Variants in SGSH observed in about 807,000 individuals in gnomAD.
SGSH encodes N-sulfoglucosamine sulfohydrolase, also known as heparan sulfate sulfatase.
In SGSH, 48 loss-of-function variants were observed where a neutral mutation model predicts 51.0. That is an observed-to-expected ratio of 0.94 (90% confidence interval 0.75 to 1.20). SGSH has a LOEUF of 1.20. Among genes scored for constraint, SGSH ranks in the 50% most tolerant of loss-of-function variants. The pLI, the probability that SGSH is intolerant of heterozygous loss-of-function variation, is 0.00. For synonymous variants in SGSH, 321 were observed against 313.4 expected, an observed-to-expected ratio of 1.02 and a Z score of -0.26; for missense variants, 662 against 717.8, an observed-to-expected ratio of 0.92 and a Z score of 0.89.
In SGSH at chr17:80,209,613, G is replaced by A. The variant is rs1324017810; in HGVS notation, c.*839C>T. The A allele has an allele frequency of 1.1e-5, 10 of 931,152 alleles. No individual in the cohort carries two copies. In the South Asian group the frequency reaches 3.0e-4, roughly 28 times the overall value. The allele number at this position is 931,152 out of a possible 1,614,324, so 57.7% of individuals were successfully genotyped here. A position where few individuals can be genotyped will look rare whatever the true frequency, so the allele number is the denominator to read the frequency against. ...GAAGAATTAACCCAAGGCAGAGGAT[G>A]GGCATTGCCACCCAGCAACGCCAGT... is the stretch of plus-strand genomic sequence containing the variant. On this transcript the variant is annotated 3_prime_UTR_variant, in exon 8 of 8. Transcript: ENST00000326317.
At chr17:80,214,550 G>T in intron 4 of SGSH, 65 bp downstream of exon 4, 1 of 1,543,996 alleles carries the variant, frequency 6.5e-7, no homozygotes. Context: ...CATCCCGCCG[G>T]AAGACTCCGG....
chr17:80,218,129 G>A (rs865972370), intron 1 of SGSH, among the ~76,000 whole-genome samples: 4 of 152,362 alleles, frequency 2.6e-5, no homozygotes, highest in East Asian at 1.9e-4. Context: ...GCGGCTGAGC[G>A]CATGGCCACA....
chr17:80,218,780 A>G (rs1484424544), intron 1 of SGSH, among the ~76,000 whole-genome samples: 2 of 152,144 alleles, frequency 1.3e-5, no homozygotes, highest in Non-Finnish European at 2.9e-5. Context: ...CGTCAACATC[A>G]CTGTATCTGG....
At chr17:80,207,025 T>C (rs1351049921), downstream of SGSH, 3 of 1,614,066 alleles carry the variant, frequency 1.9e-6, no homozygotes, top group Non-Finnish European at 2.5e-6. Flanking sequence ...CTGCACAGGA[T>C]GGACATCTTC....
At chr17:80,208,574 G>A, downstream of SGSH, 1 of 487,660 alleles carries the variant, frequency 2.1e-6, no homozygotes, top group Non-Finnish European at 3.6e-6. Flanking sequence ...CCTTTACCAG[G>A]CTTGGCATGG....
In SGSH at chr17:80,211,017, A is replaced by G; in HGVS notation, c.950-6T>C. On this transcript the variant is annotated splice_region_variant and splice_polypyrimidine_tract_variant and intron_variant, in intron 7 of 7. Transcript: ENST00000326317. The stretch of plus-strand genomic sequence containing the variant: ...CAAGATGGTGGGCGTGAGGTCTGGA[A>G]GGGACGCGGCATCTCAGAGCAGCAG... The G allele has an allele frequency of 6.3e-7, 1 of 1,598,308 alleles. No individual in the cohort carries two copies. The highest frequency in any genetic ancestry group is 2.2e-5 in the East Asian group (1 of 44,866).
chr17:80,202,427 A>C, downstream of SGSH: 1 of 1,607,754 alleles, frequency 6.2e-7, no homozygotes, highest in South Asian at 1.1e-5. Flanking sequence ...CCAGGTGAGC[A>C]GCTGCCTCGA....
At chr17:80,207,750 C>G (rs2041413803), downstream of SGSH, 1 of 224,994 alleles carries the variant, frequency 4.4e-6, no homozygotes, top group African/African-American at 2.3e-5. Context: ...ACTCCCTCCC[C>G]CAAGAGCAGC....
rs541222703 is a variant in SGSH at position 80,212,179 on chromosome 17, C to T, written c.841G>A (p.Gly281Ser). Reference protein sequence around the residue: ...TSDNGIPFPSGRTNLYWPGTA... With the variant: ...TSDNGIPFPSSRTNLYWPGTA... Reference sequence around the variant, plus strand: ...CCCGGCCAGTACAGGTTGGTCCTGCCGCTGGGGAAGGGGATCCCGTTGTCG... The same window carrying T: ...CCCGGCCAGTACAGGTTGGTCCTGCTGCTGGGGAAGGGGATCCCGTTGTCG... The change falls in exon 7 of 8, where the codon GGC becomes AGC. Residue 281 changes from glycine (G) to serine (S), a missense_variant. Coordinates refer to ENST00000326317, the MANE Select transcript of SGSH (RefSeq NM_000199.5). The surrounding 1 kb of genome is among the most constrained non-coding windows in gnomAD (Gnocchi z 5.9). 44 of 1,613,550 alleles carry T rather than the reference C, an allele frequency of 2.7e-5. No individual in the cohort carries two copies. Among genetic ancestry groups the T allele is most frequent in the South Asian group, 8.8e-5 (8 of 91,080 alleles).
intron 5 of SGSH, 70 bp downstream of exon 5, chr17:80,214,102 G>A (rs1225458342): frequency 1.9e-6 from 3 of 1,539,664 alleles, no homozygotes; most frequent in Non-Finnish European, 2.6e-6. Context: ...AGGGCTGCAA[G>A]CTCGTAGGAG....
chr17:80,208,615 C>T (rs1397770365), downstream of SGSH: 8 of 421,792 alleles, frequency 1.9e-5, no homozygotes, highest in East Asian at 3.0e-4. Flanking sequence ...AATGTTTCTG[C>T]AGTGGGACAG....
chr17:80,211,045 C>T, intron 7 of SGSH, 34 bp from the exon 8 acceptor site: 6 of 1,597,526 alleles, frequency 3.8e-6, no homozygotes, highest in Non-Finnish European at 5.1e-6. Context: ...AGCAGCAGAG[C>T]CCTCAGCACA....
At chr17:80,203,882 CA>C (rs1489543427), downstream of SGSH, 1 of 1,594,850 alleles carries the variant, frequency 6.3e-7, no homozygotes, top group Non-Finnish European at 8.5e-7. This position sits in a 1 kb window ranked among gnomAD's most constrained non-coding sequence, Gnocchi z 4.6. Context: ...CCGTGACCCG[CA>C]AGGTGAGGCT....
rs2041569113 is a variant in SGSH, at chr17:80,210,036, G to T, written c.*416C>A. On this transcript the variant is annotated 3_prime_UTR_variant, in exon 8 of 8. Transcript: ENST00000326317. ...CCTGCTCTCTGTGAAGGGTTCAGAA[G>T]TATCTGTGGCTGCCAAAGCCTGAAG... is the stretch of plus-strand genomic sequence containing the variant. 2 of 1,099,832 alleles carry T rather than the reference G, an allele frequency of 1.8e-6. No individual in the cohort carries two copies. 68.1% of individuals were successfully genotyped at this position (1,099,832 alleles called of 1,614,324 possible).
At chr17:80,218,600 G>A (rs2041983677) in intron 1 of SGSH, among the ~76,000 whole-genome samples, 2 of 152,238 alleles carry the variant, frequency 1.3e-5, no homozygotes, top group Non-Finnish European at 2.9e-5. Context: ...ACAGGTGTGA[G>A]CACATGGCAG....
Position 80,212,569 on chromosome 17 carries a change from G to A in SGSH, c.746-295C>T, listed in dbSNP as rs1262148117. ...CTCCCTGGTGCCCGCCGGCTTTTGA[G>A]TTCTCCGGAATCTCGTGTCTGTCCC... On this transcript the variant is annotated intron_variant, in intron 6 of 7. Coordinates refer to ENST00000326317, the MANE Select transcript of SGSH (RefSeq NM_000199.5). The surrounding 1 kb of genome is among the most constrained non-coding windows in gnomAD (Gnocchi z 5.9). 2 of 481,808 alleles carry A rather than the reference G, an allele frequency of 4.2e-6. No homozygotes were observed. The highest frequency in any genetic ancestry group is 7.7e-6 in the Non-Finnish European group (2 of 261,290). The allele number at this position is 481,808 out of a possible 1,614,324, so 29.8% of individuals were successfully genotyped here.
downstream of SGSH, chr17:80,205,194 A>C (rs749459233): frequency 2.5e-6 from 4 of 1,612,048 alleles, no homozygotes; most frequent in Non-Finnish European, 3.4e-6. Flanking sequence ...GGGTTTAAGA[A>C]GTGCCTGGCA....
chr17:80,204,193 G>C (rs2041146345), downstream of SGSH: 1 of 1,553,370 alleles, frequency 6.4e-7, no homozygotes, highest in East Asian at 2.3e-5. Context: ...GGCTTCAACA[G>C]CTCCTCCTCA....
downstream of SGSH, among the ~76,000 whole-genome samples, chr17:80,206,296 T>TCTAAAAAATATATTTCAA (rs1555618122): frequency 1.3e-5 from 2 of 151,260 alleles, no homozygotes; most frequent in Non-Finnish European, 2.9e-5. Context: ...GAGACCCGTC[T>TCTAAAAAATATATTTCAA]CTAAAAAAAA....
Sources: gnomAD v4.1 joint callset for allele counts (sites outside exome capture counted in the v4.1 genomes callset) on GRCh38, gnomAD v4.1.1 for gene constraint, Gnocchi (gnomAD v3.1) non-coding constraint, MANE v1.5 for transcripts, NCBI Gene and HGNC (gene_info 2026-07-23, HGNC 2026-07-21) for gene names.